Variants in ADCY2 observed in about 807,000 individuals in gnomAD.
ADCY2 encodes adenylate cyclase type 2.
A neutral mutation model predicts 125.2 loss-of-function variants in ADCY2; 31 were observed. That is an observed-to-expected ratio of 0.25 (90% CI 0.19 to 0.33). The LOEUF (loss-of-function observed/expected upper bound fraction) is 0.33, where lower values mean the gene tolerates loss of function less well. ADCY2 is among the 10% of genes least tolerant of loss of function. The probability of loss-of-function intolerance (pLI) is 1.00; values close to 1 mark genes in which losing one functional copy is unlikely to be tolerated. For missense variants in ADCY2, 904 were observed against 1,418.2 expected, an observed-to-expected ratio of 0.64 and a Z score of 5.82; for synonymous variants, 512 against 548.4, an observed-to-expected ratio of 0.93 and a Z score of 0.93.
intron 2 of ADCY2, among the ~76,000 whole-genome samples, chr5:7,426,527 G>A (rs895685020): frequency 3.9e-5 from 6 of 152,118 alleles, no homozygotes; most frequent in Non-Finnish European, 7.3e-5. Context: ...TTATGAGGGC[G>A]GAGTTGTCAG....
chr5:7,620,341 C>G (rs1228676767), intron 3 of ADCY2, among the ~76,000 whole-genome samples: 1 of 152,116 alleles, frequency 6.6e-6, no homozygotes, highest in African/African-American at 2.4e-5. Flanking sequence ...TCTTTTAGCC[C>G]AAAGCCCTAA....
At chr5:7,526,561 T>C (rs999068615) in intron 3 of ADCY2, among the ~76,000 whole-genome samples, 1 of 152,092 alleles carries the variant, frequency 6.6e-6, no homozygotes, top group African/African-American at 2.4e-5. Flanking sequence ...TAAACAAGTA[T>C]CGAAATATCA....
chr5:7,471,799 C>T (rs935257026), intron 2 of ADCY2, among the ~76,000 whole-genome samples: 1 of 151,798 alleles, frequency 6.6e-6, no homozygotes, highest in East Asian at 1.9e-4. Context: ...ACATTTTCTT[C>T]TGTGTATATT....
At chr5:7,656,975 G>A (rs1739358282) in intron 4 of ADCY2, among the ~76,000 whole-genome samples, 1 of 152,134 alleles carries the variant, frequency 6.6e-6, no homozygotes, top group African/African-American at 2.4e-5. Flanking sequence ...CCACACACCA[G>A]TGCTTAACAC....
In ADCY2 at chr5:7,829,864, G is replaced by A. The variant is rs368831930; in HGVS notation, c.*2993G>A. 3 of 152,144 alleles carry A rather than the reference G, an allele frequency of 2.0e-5. No homozygotes were observed. The East Asian group carries it at 5.8e-4, about 29-fold the overall frequency. The allele number at this position is 152,144 out of a possible 1,614,324, so 9.4% of individuals were successfully genotyped here. A position where few individuals can be genotyped will look rare whatever the true frequency, so the allele number is the denominator to read the frequency against. ...AGGCCGAGGAGAGAGGATCACTTAAGCCCAGGAGTCTGAGACCAGCCTGGG... is the reference window on the plus strand; with the variant it reads ...AGGCCGAGGAGAGAGGATCACTTAAACCCAGGAGTCTGAGACCAGCCTGGG... On this transcript the variant is annotated 3_prime_UTR_variant, in exon 25 of 25. Transcript: ENST00000338316.
chr5:7,607,312 C>A (rs1334732357), intron 3 of ADCY2, among the ~76,000 whole-genome samples: 1 of 152,222 alleles, frequency 6.6e-6, no homozygotes, highest in Non-Finnish European at 1.5e-5. Flanking sequence ...TTCTTCCCTC[C>A]ACCTGAACTG....
At chr5:7,821,558 T>A (rs1434587903) in intron 24 of ADCY2, among the ~76,000 whole-genome samples, 2 of 152,200 alleles carry the variant, frequency 1.3e-5, no homozygotes, top group Non-Finnish European at 2.9e-5. Flanking sequence ...GCTGACTAGA[T>A]GCTGTGGCTA....
intron 3 of ADCY2, among the ~76,000 whole-genome samples, chr5:7,558,240 A>G (rs1265215836): frequency 6.6e-6 from 1 of 151,910 alleles, no homozygotes; most frequent in East Asian, 1.9e-4. Context: ...TTTAGTAGAG[A>G]TGGGGTTTTG....
intron 22 of ADCY2, among the ~76,000 whole-genome samples, chr5:7,806,924 T>C (rs1744776334): frequency 6.6e-6 from 1 of 152,216 alleles, no homozygotes; most frequent in South Asian, 2.1e-4. Context: ...TGAGCTTCTT[T>C]CTCCTTCTGA....
chr5:7,622,917 G>A (rs902227557), intron 3 of ADCY2, among the ~76,000 whole-genome samples: 13 of 152,174 alleles, frequency 8.5e-5, no homozygotes, highest in Admixed American at 6.6e-5. Context: ...GGGAAGAAAG[G>A]CCTATGGCAA....
chr5:7,415,939 G>C (rs1190078578), intron 2 of ADCY2, among the ~76,000 whole-genome samples: 2 of 152,062 alleles, frequency 1.3e-5, no homozygotes, highest in Non-Finnish European at 2.9e-5. Context: ...GCTGTCGCAG[G>C]GTTGATGGGG....
intron 3 of ADCY2, among the ~76,000 whole-genome samples, chr5:7,616,971 G>T (rs923888367): frequency 2.0e-5 from 3 of 152,078 alleles, no homozygotes; most frequent in African/African-American, 7.2e-5. Flanking sequence ...CTGAATTTTT[G>T]TCCCCTCTGA....
In ADCY2 at chr5:7,804,069, A is replaced by C. The variant is rs461734; in HGVS notation, c.2776-516A>C. 9.2e-3 allele frequency among the ~76,000 whole-genome samples: 1,294 copies of C among 140,446 alleles called. 8 individuals carry two copies. The highest frequency in any genetic ancestry group is 0.014 in the Non-Finnish European group (947 of 65,516). 92.1% of individuals were successfully genotyped at this position (140,446 alleles called of 152,430 possible). A position where few individuals can be genotyped will look rare whatever the true frequency, so the allele number is the denominator to read the frequency against. ...GAGAGAGAGAGAGAGAGAGAGAGAGAGAGAGCTGGTTTCTCTTCCTAATAC... is the reference window on the plus strand; with the variant it reads ...GAGAGAGAGAGAGAGAGAGAGAGAGCGAGAGCTGGTTTCTCTTCCTAATAC... On this transcript the variant is annotated intron_variant, in intron 21 of 24. Coordinates refer to ENST00000338316, the MANE Select transcript of ADCY2 (RefSeq NM_020546.3).
At chr5:7,431,805 A>G (rs975666304) in intron 2 of ADCY2, among the ~76,000 whole-genome samples, 1 of 152,212 alleles carries the variant, frequency 6.6e-6, no homozygotes, top group Admixed American at 6.5e-5. Context: ...GATGGTTGGC[A>G]AATACATGAA....
At chr5:7,549,844 A>G (rs545015094) in intron 3 of ADCY2, among the ~76,000 whole-genome samples, 1 of 152,300 alleles carries the variant, frequency 6.6e-6, no homozygotes, top group Non-Finnish European at 1.5e-5. Context: ...GGCTTTCTCC[A>G]GCCACTATCC....
chr5:7,626,161 C>T lies in ADCY2; in HGVS notation c.571-6C>T. 1 of 1,612,210 alleles carries T rather than the reference C, an allele frequency of 6.2e-7. No homozygotes were observed. Among genetic ancestry groups the T allele is most frequent in the Non-Finnish European group, 8.5e-7 (1 of 1,179,458 alleles). The stretch of plus-strand genomic sequence containing the variant: ...CCCTATTGAGCAGCTCTTTCTGTCT[C>T]TTTAGATCCTGGCCAATGTGATCAT... On this transcript the variant is annotated splice_polypyrimidine_tract_variant and splice_region_variant and intron_variant, in intron 3 of 24. Coordinates refer to ENST00000338316, the MANE Select transcript of ADCY2 (RefSeq NM_020546.3).
chr5:7,771,199 C>T (rs372059992), intron 17 of ADCY2, among the ~76,000 whole-genome samples: 19 of 152,148 alleles, frequency 1.2e-4, no homozygotes, highest in African/African-American at 3.9e-4. Context: ...GCATGCTAGA[C>T]CCCTCCTCCC....
rs575754515 is a variant in ADCY2 at position 7,431,206 on chromosome 5, A to G, written c.408+16436A>G. ...GGTGTAAAAATAGACATTTAGGCCAATGGGATACACTAGACTATCCGGAAA... is the reference window on the plus strand; with the variant it reads ...GGTGTAAAAATAGACATTTAGGCCAGTGGGATACACTAGACTATCCGGAAA... On this transcript the variant is annotated intron_variant, in intron 2 of 24. Transcript: ENST00000338316. Among the ~76,000 whole-genome samples, 187 of 152,326 alleles carry G rather than the reference A, an allele frequency of 1.2e-3. 2 individuals carry two copies. Among genetic ancestry groups the G allele is most frequent in the Middle Eastern group, 0.01 (3 of 294 alleles).
chr5:7,583,627 G>A (rs1000016388), intron 3 of ADCY2, among the ~76,000 whole-genome samples: 9 of 152,106 alleles, frequency 5.9e-5, no homozygotes, highest in Non-Finnish European at 8.8e-5. Context: ...CAAAGTTATC[G>A]GATAACTGGA....
Sources: allele counts gnomAD v4.1 joint callset (sites outside exome capture counted in the v4.1 genomes callset), GRCh38; gene constraint gnomAD v4.1.1; transcripts MANE v1.5; gene names NCBI Gene and HGNC (gene_info 2026-07-23, HGNC 2026-07-21).